OLFML1: variants seen among roughly 807,000 people sequenced by gnomAD.
The protein encoded by OLFML1 is olfactomedin-like protein 1.
Under a neutral mutation model 37.3 loss-of-function variants are expected in OLFML1, and 33 were observed. The observed-to-expected ratio is 0.88, with a 90% CI of 0.67 to 1.18. The LOEUF is 1.18. Ranked by LOEUF, OLFML1 falls within the 50% of genes most tolerant of loss-of-function variation. The pLI is 0.00. For missense variants in OLFML1, 545 were observed against 483.7 expected (o/e 1.13, Z -1.19); for synonymous variants, 186 against 181.3 (o/e 1.03, Z -0.21).
chr11:7,509,516 T>G lies in OLFML1; in HGVS notation c.537T>G (p.Ile179Met). 6.2e-7 allele frequency: 1 copy of G among 1,614,170 alleles called. No homozygotes were observed. Among genetic ancestry groups the G allele is most frequent in the Non-Finnish European group, 8.5e-7 (1 of 1,180,028 alleles). The change falls in exon 3 of 3, where the codon ATT becomes ATG. Residue 179 changes from isoleucine to methionine, a missense_variant. Ile to Met is a conservative substitution (Grantham distance 10). Coordinates refer to ENST00000329293, the MANE Select transcript of OLFML1 (RefSeq NM_198474.4). ...ACTCTCCAAAGGTGTACTTATTAATTGGATCCAGAAACAACACTGTTTGGG... is the reference window on the plus strand; with the variant it reads ...ACTCTCCAAAGGTGTACTTATTAATGGGATCCAGAAACAACACTGTTTGGG... ...VYNSPKVYLL[I>M]GSRNNTVWEF...
At chr11:7,490,433 C>T (rs1397906271) in intron 2 of OLFML1, among the ~76,000 whole-genome samples, 2 of 152,116 alleles carry the variant, frequency 1.3e-5, no homozygotes, top group East Asian at 1.9e-4. Flanking sequence ...TCAGGCAGGA[C>T]GCTAAGTCTG....
chr11:7,494,657 G>T (rs1449322394), intron 2 of OLFML1, among the ~76,000 whole-genome samples: 1 of 152,106 alleles, frequency 6.6e-6, no homozygotes, highest in Non-Finnish European at 1.5e-5. Flanking sequence ...GGTGCATTCT[G>T]GCCACAGGGT....
rs773221720 is a variant in OLFML1, at chr11:7,509,970, T to C, written c.991T>C (p.Tyr331His). ...CTTGTGTGGGGTTCTCTATGTGGTC[T>C]ACAGTACTGGGGGCCAGGGCCCTCA... The part of the protein sequence containing the change: ...FLLCGVLYVV[Y>H]STGGQGPHRI... Residue 331 changes from tyrosine (Y) to histidine (H), a missense_variant, in exon 3 of 3, where the codon TAC (tyrosine) becomes CAC (histidine). By Grantham distance (83) the Tyr-to-His change is moderately conservative (BLOSUM62 2). Transcript: ENST00000329293. 18 of 1,614,122 alleles carry C rather than the reference T, an allele frequency of 1.1e-5. No homozygotes were observed. In the East Asian group the frequency reaches 3.8e-4, roughly 34 times the overall value.
intron 2 of OLFML1, among the ~76,000 whole-genome samples, chr11:7,498,476 T>C (rs1163327964): frequency 6.6e-6 from 1 of 152,194 alleles, no homozygotes; most frequent in African/African-American, 2.4e-5. Flanking sequence ...CCATGGGCAG[T>C]ATCATGAAAT....
At chr11:7,503,558 C>T (rs1313489180) in intron 2 of OLFML1, among the ~76,000 whole-genome samples, 1 of 152,126 alleles carries the variant, frequency 6.6e-6, no homozygotes, top group Non-Finnish European at 1.5e-5. Flanking sequence ...CAGTGGAGAA[C>T]TGAAGTCTGA....
In OLFML1 at chr11:7,488,223, A is replaced by C; in HGVS notation, c.226A>C (p.Thr76Pro). 1 of 1,614,094 alleles carries C rather than the reference A, an allele frequency of 6.2e-7. No homozygotes were observed. The highest frequency in any genetic ancestry group is 2.2e-5 in the East Asian group (1 of 44,862). Reference protein sequence around the residue: ...NISVMLGRCQTYTSEYKSAVG... With the variant: ...NISVMLGRCQPYTSEYKSAVG... ...ATCTGTCATGCTGGGAAGATGTCAG[A>C]CCTACACAAGTGAGTACAAGAGTGC... The change falls in exon 2 of 3, where the codon ACC becomes CCC. Residue 76 changes from threonine to proline, a missense_variant. Thr to Pro is a conservative substitution (Grantham distance 38). Coordinates refer to ENST00000329293, the MANE Select transcript of OLFML1 (RefSeq NM_198474.4).
At position 7,511,023 on chromosome 11, in the gene OLFML1, C is replaced by T. The variant is rs956656141; in HGVS notation, c.*835C>T. ...AGAGTTTAGGTGAGTAACACAATTA[C>T]AAAGTGAAAGATACAGCTAGAAAAT... On this transcript the variant is annotated 3_prime_UTR_variant, in exon 3 of 3. Coordinates refer to ENST00000329293, the MANE Select transcript of OLFML1 (RefSeq NM_198474.4). 4 of 152,294 alleles carry T rather than the reference C, an allele frequency of 2.6e-5. No individual in the cohort carries two copies. Among genetic ancestry groups the T allele is most frequent in the Non-Finnish European group, 5.9e-5 (4 of 68,030 alleles). 9.4% of individuals were successfully genotyped at this position (152,294 alleles called of 1,614,324 possible).
chr11:7,506,874 A>ATGATT (rs1281189004), intron 2 of OLFML1, among the ~76,000 whole-genome samples: 2 of 152,238 alleles, frequency 1.3e-5, no homozygotes, highest in Non-Finnish European at 2.9e-5. Flanking sequence ...ACTGGAAGGC[A>ATGATT]TGAGCAAAGG....
At chr11:7,496,132 T>C (rs1256777025) in intron 2 of OLFML1, among the ~76,000 whole-genome samples, 2 of 152,226 alleles carry the variant, frequency 1.3e-5, no homozygotes, top group Non-Finnish European at 2.9e-5. Context: ...TGAGGATGAC[T>C]TCAGCTGGGG....
At chr11:7,505,908 C>T (rs1318770047) in intron 2 of OLFML1, among the ~76,000 whole-genome samples, 1 of 152,164 alleles carries the variant, frequency 6.6e-6, no homozygotes, top group Non-Finnish European at 1.5e-5. Context: ...CTGATCTTAT[C>T]CTGATTCATA....
intron 2 of OLFML1, among the ~76,000 whole-genome samples, chr11:7,491,046 T>C (rs1848589858): frequency 6.6e-6 from 1 of 152,076 alleles, no homozygotes; most frequent in South Asian, 2.1e-4. Flanking sequence ...CCTTCTCCCA[T>C]AACTTACCCA....
At chr11:7,490,220 G>C (rs1848578729) in intron 2 of OLFML1, among the ~76,000 whole-genome samples, 1 of 151,888 alleles carries the variant, frequency 6.6e-6, no homozygotes, top group African/African-American at 2.4e-5. Flanking sequence ...TGAAGCAATG[G>C]GTCAAGTAAG....
intron 2 of OLFML1, among the ~76,000 whole-genome samples, chr11:7,501,116 G>A (rs919087895): frequency 4.6e-5 from 7 of 152,072 alleles, no homozygotes; most frequent in East Asian, 3.9e-4. Flanking sequence ...ACCCTTACTC[G>A]TCCTCTATGA....
At chr11:7,501,608 C>T (rs1336767326) in intron 2 of OLFML1, among the ~76,000 whole-genome samples, 1 of 152,240 alleles carries the variant, frequency 6.6e-6, no homozygotes, top group Non-Finnish European at 1.5e-5. Context: ...CTTGCTGAGA[C>T]TCAGCTCTTC....
At chr11:7,503,032 A>G (rs528158044) in intron 2 of OLFML1, among the ~76,000 whole-genome samples, 4 of 152,356 alleles carry the variant, frequency 2.6e-5, no homozygotes, top group Admixed American at 2.6e-4. Context: ...TGGGAAAAGT[A>G]GGCAGAAAGA....
chr11:7,487,738 T>C (rs1397579862), intron 1 of OLFML1, among the ~76,000 whole-genome samples: 1 of 152,106 alleles, frequency 6.6e-6, no homozygotes, highest in Non-Finnish European at 1.5e-5. Context: ...TAAATGTACC[T>C]CAAAAAGAGT....
rs1848847789 is a variant in OLFML1, at chr11:7,510,506, C to T, written c.*318C>T. On this transcript the variant is annotated 3_prime_UTR_variant, in exon 3 of 3. Transcript: ENST00000329293. ...CTGCTCCCCAGCATTTACTGTAACT[C>T]TGCCATCTTCCCTCCCACAATTAGA... 8.2e-6 allele frequency: 2 copies of T among 242,474 alleles called. No individual in the cohort carries two copies. The highest frequency in any genetic ancestry group is 1.9e-4 in the South Asian group (2 of 10,722). The allele number at this position is 242,474 out of a possible 1,614,324, so 15.0% of individuals were successfully genotyped here.
chr11:7,500,081 C>A (rs1485957732), intron 2 of OLFML1, among the ~76,000 whole-genome samples: 1 of 151,994 alleles, frequency 6.6e-6, no homozygotes, highest in South Asian at 2.1e-4. Flanking sequence ...TTTGTGGAGA[C>A]GAGGTCTCAC....
At chr11:7,496,962 C>T (rs947760258) in intron 2 of OLFML1, among the ~76,000 whole-genome samples, 4 of 152,092 alleles carry the variant, frequency 2.6e-5, no homozygotes, top group African/African-American at 9.7e-5. Flanking sequence ...GCTGGAAGGT[C>T]TAGGCTGCAG....
Sources: allele counts gnomAD v4.1 joint callset (sites outside exome capture counted in the v4.1 genomes callset), GRCh38; gene constraint gnomAD v4.1.1; transcripts MANE v1.5; gene names NCBI Gene and HGNC (gene_info 2026-07-23, HGNC 2026-07-21).